ANTXR2: variants seen among roughly 807,000 people sequenced by gnomAD.
ANTXR2 encodes the protein ANTXR cell adhesion molecule 2.
A neutral mutation model predicts 73.7 loss-of-function variants in ANTXR2; 44 were observed. The ratio of observed to expected loss-of-function variants is 0.60; its 90% CI spans 0.47 to 0.77. ANTXR2 has a LOEUF of 0.77. Ranked by LOEUF, ANTXR2 falls within the 30% of genes least tolerant of loss-of-function variation. The probability of loss-of-function intolerance (pLI) is 0.00; values close to 1 mark genes in which losing one functional copy is unlikely to be tolerated. For missense variants in ANTXR2, 604 were observed against 592.5 expected (o/e 1.02, Z -0.20); for synonymous variants, 217 against 205.9 (o/e 1.05, Z -0.46).
chr4:80,064,145 T>G (rs973028647), intron 3 of ANTXR2, among the ~76,000 whole-genome samples: 1 of 152,204 alleles, frequency 6.6e-6, no homozygotes, highest in African/African-American at 2.4e-5. Flanking sequence ...TTAAGTGACT[T>G]TTCTATAATT....
In ANTXR2 at chr4:79,906,944, T is replaced by C. The variant is rs926398259; in HGVS notation, c.*485A>G. On this transcript the variant is annotated 3_prime_UTR_variant, in exon 17 of 17. Transcript: ENST00000403729. ...ATAGCTATAAGGCAATGGACTTCTT[T>C]ATTTGCTTAGCCTGGTGGGAAATTT... 2 of 179,462 alleles carry C rather than the reference T, an allele frequency of 1.1e-5. No individual in the cohort carries two copies. The highest frequency in any genetic ancestry group is 2.4e-5 in the African/African-American group (1 of 41,608). 11.1% of individuals were successfully genotyped at this position (179,462 alleles called of 1,614,324 possible). A position where few individuals can be genotyped will look rare whatever the true frequency, so the allele number is the denominator to read the frequency against.
chr4:80,013,639 G>A (rs1051104890), intron 11 of ANTXR2, among the ~76,000 whole-genome samples: 1 of 152,202 alleles, frequency 6.6e-6, no homozygotes, highest in Non-Finnish European at 1.5e-5. Flanking sequence ...ATGCCTGAAA[G>A]ACTAAATATC....
At position 79,901,711 on chromosome 4, in the gene ANTXR2, C is replaced by G. The variant is rs904085494; in HGVS notation, c.*5718G>C. On this transcript the variant is annotated 3_prime_UTR_variant, in exon 17 of 17. Coordinates refer to ENST00000403729, the MANE Select transcript of ANTXR2 (RefSeq NM_058172.6). Reference sequence around the variant, plus strand: ...CACTATAATGTAGAATCAGTGGGAGCCTGAGCTTGTTTTCCTGCAACTAGA... The same window carrying G: ...CACTATAATGTAGAATCAGTGGGAGGCTGAGCTTGTTTTCCTGCAACTAGA... 6.0e-6 allele frequency: 1 copy of G among 167,476 alleles called. No homozygotes were observed. Among genetic ancestry groups the G allele is most frequent in the African/African-American group, 2.4e-5 (1 of 41,366 alleles). The allele number at this position is 167,476 out of a possible 1,614,324, so 10.4% of individuals were successfully genotyped here. A position where few individuals can be genotyped will look rare whatever the true frequency, so the allele number is the denominator to read the frequency against.
At chr4:80,046,001 G>T (rs537438478) in intron 7 of ANTXR2, among the ~76,000 whole-genome samples, 2 of 151,666 alleles carry the variant, frequency 1.3e-5, no homozygotes, top group Admixed American at 1.3e-4. Flanking sequence ...ACACCACTCT[G>T]ACTAGTTTCT....
At chr4:80,019,024 G>A (rs1051699044) in intron 10 of ANTXR2, 48 bp from the exon 11 acceptor site, 3 of 1,252,452 alleles carry the variant, frequency 2.4e-6, no homozygotes. Flanking sequence ...AAAACCAGAG[G>A]AGTAGGAGAT....
chr4:80,033,566 T>C lies in ANTXR2; in HGVS notation c.702A>G (p.Glu234=). Residue 234 remains glutamate (E), a synonymous_variant, in exon 9 of 17, where the codon GAA becomes GAG. Transcript: ENST00000403729. ...LQPSSVCVGE[E]FQIVLSGRGF... is the part of the protein sequence containing the mutation. ...CTCTTCCACTTAAGACAATCTGAAA[T>C]TCCTCTAGAAGTAAAAGGAAAAATA... The C allele has an allele frequency of 6.3e-7, 1 of 1,583,354 alleles. No homozygotes were observed.
At chr4:79,910,507 C>CAAAAAAAAAAAAAAGAAAA (rs1727085238) in intron 16 of ANTXR2, among the ~76,000 whole-genome samples, 1 of 95,650 alleles carries the variant, frequency 1.0e-5, no homozygotes, top group Admixed American at 1.1e-4. Context: ...GACTCCGTCT[C>CAAAAAAAAAAAAAAGAAAA]AAAAAAAAAA....
At chr4:80,032,788 G>A (rs1011235969) in intron 9 of ANTXR2, among the ~76,000 whole-genome samples, 18 of 151,740 alleles carry the variant, frequency 1.2e-4, no homozygotes, top group African/African-American at 4.4e-4. Flanking sequence ...TATTTAAGAG[G>A]GAGGGTTTTT....
intron 16 of ANTXR2, among the ~76,000 whole-genome samples, chr4:79,911,327 G>C (rs1158492727): frequency 6.6e-6 from 1 of 152,138 alleles, no homozygotes; most frequent in Non-Finnish European, 1.5e-5. Flanking sequence ...AGAATGGAAA[G>C]TATTATTAGT....
In ANTXR2 at chr4:80,020,794, A is replaced by G. The variant is rs1448239241; in HGVS notation, c.867-1818T>C. Among the ~76,000 whole-genome samples the G allele has an allele frequency of 2.0e-5, 3 of 152,238 alleles. No individual in the cohort carries two copies. The East Asian group carries it at 5.8e-4, about 29-fold the overall frequency. ...CCTGGCAAAGTTCAAGCTAAATTCAATCAAAATATAGAAATACTTCTATTA... is the reference window on the plus strand; with the variant it reads ...CCTGGCAAAGTTCAAGCTAAATTCAGTCAAAATATAGAAATACTTCTATTA... On this transcript the variant is annotated intron_variant, in intron 10 of 16. Coordinates refer to ENST00000403729, the MANE Select transcript of ANTXR2 (RefSeq NM_058172.6).
At chr4:79,992,312 T>C (rs1264156278) in intron 12 of ANTXR2, among the ~76,000 whole-genome samples, 1 of 151,980 alleles carries the variant, frequency 6.6e-6, no homozygotes, top group Non-Finnish European at 1.5e-5. Flanking sequence ...TTTAGAGAAC[T>C]GACCCATAAT....
intron 10 of ANTXR2, among the ~76,000 whole-genome samples, chr4:80,029,368 C>G (rs1732584871): frequency 6.6e-6 from 1 of 151,790 alleles, no homozygotes; most frequent in South Asian, 2.1e-4. Context: ...TAGTATGGCC[C>G]CCCAAAATAA....
At chr4:79,949,311 A>G (rs1433863990) in intron 16 of ANTXR2, among the ~76,000 whole-genome samples, 1 of 152,170 alleles carries the variant, frequency 6.6e-6, no homozygotes, top group East Asian at 1.9e-4. Context: ...TAATTATTCC[A>G]ATGCAAGACA....
At position 79,989,964 on chromosome 4, in the gene ANTXR2, C is replaced by T. The variant is rs544747385; in HGVS notation, c.1042-5101G>A. Reference sequence around the variant, plus strand: ...ATGTTAAAACTCTCAACAAACTAGGCATCAAAAAAAATATCTCAAAATAGT... The same window carrying T: ...ATGTTAAAACTCTCAACAAACTAGGTATCAAAAAAAATATCTCAAAATAGT... On this transcript the variant is annotated intron_variant, in intron 12 of 16. Transcript: ENST00000403729. Among the ~76,000 whole-genome samples the T allele has an allele frequency of 4.0e-5, 6 of 149,006 alleles. No individual in the cohort carries two copies. The South Asian group carries it at 1.1e-3, about 26-fold the overall frequency.
intron 7 of ANTXR2, among the ~76,000 whole-genome samples, chr4:80,039,073 C>A (rs1285759245): frequency 6.6e-6 from 1 of 151,984 alleles, no homozygotes; most frequent in Non-Finnish European, 1.5e-5. Context: ...TATTAACAAA[C>A]CAACAATCAT....
chr4:79,962,003 T>C (rs1333464627), intron 16 of ANTXR2, among the ~76,000 whole-genome samples: 1 of 152,044 alleles, frequency 6.6e-6, no homozygotes. Flanking sequence ...TGTTTATAGA[T>C]TCTTTGAAAA....
At chr4:79,980,360 T>G (rs1729835062) in intron 14 of ANTXR2, among the ~76,000 whole-genome samples, 1 of 152,164 alleles carries the variant, frequency 6.6e-6, no homozygotes, top group South Asian at 2.1e-4. Flanking sequence ...TGTGTATGTG[T>G]ATGTATGCAT....
At chr4:80,063,098 A>T (rs1169795883) in intron 3 of ANTXR2, among the ~76,000 whole-genome samples, 1 of 152,236 alleles carries the variant, frequency 6.6e-6, no homozygotes, top group Non-Finnish European at 1.5e-5. Context: ...TGATAAAGTT[A>T]TAAATACCCA....
At chr4:79,929,310 C>T (rs1727965667) in intron 16 of ANTXR2, among the ~76,000 whole-genome samples, 1 of 152,144 alleles carries the variant, frequency 6.6e-6, no homozygotes, top group Non-Finnish European at 1.5e-5. Flanking sequence ...GTCAGGAGTT[C>T]AAGACCAGCC....
Sources: allele counts gnomAD v4.1 joint callset (sites outside exome capture counted in the v4.1 genomes callset), GRCh38; gene constraint gnomAD v4.1.1; transcripts MANE v1.5; gene names NCBI Gene and HGNC (gene_info 2026-07-23, HGNC 2026-07-21).